UGGT2: variants seen among roughly 807,000 people sequenced by gnomAD.
UGGT2 encodes UDP-glucose glycoprotein glucosyltransferase 2.
UGGT2 carries 180 observed loss-of-function variants against 192.1 expected under a neutral mutation model. That is an observed-to-expected ratio of 0.94 (90% CI 0.83 to 1.06). UGGT2 has a LOEUF of 1.06. Among genes scored for constraint, UGGT2 ranks in the 50% least tolerant of loss-of-function variants. UGGT2 has a pLI of 0.00. For missense variants in UGGT2, 1,849 were observed against 1,795.7 expected (o/e 1.03, Z -0.54); for synonymous variants, 580 against 591.0 (o/e 0.98, Z 0.27).
intron 12 of UGGT2, among the ~76,000 whole-genome samples, chr13:95,964,791 A>G (rs1270653592): frequency 6.6e-6 from 1 of 152,136 alleles, no homozygotes; most frequent in African/African-American, 2.4e-5. Flanking sequence ...AGAAACTACC[A>G]TCAGTGTGAA....
Position 95,859,621 on chromosome 13 carries a change from CA to C in UGGT2, c.3794del (p.Leu1265CysfsTer2). On this transcript the variant is annotated frameshift_variant, in exon 33 of 39. Transcript: ENST00000376747. LOFTEE classifies it high-confidence loss of function. ...ATGTCGGTGAGAGATAATTTTTTAG[CA>C]ACCAGAATTTCACTGGTGTTTTGGT... is the stretch of plus-strand genomic sequence containing the variant. ...RNTKTPVKFW[L>X]LKNYLSPTFK... 2 of 1,610,210 alleles carry C rather than the reference CA, an allele frequency of 1.2e-6. No homozygotes were observed. Among genetic ancestry groups the C allele is most frequent in the Non-Finnish European group, 1.7e-6 (2 of 1,178,018 alleles).
chr13:95,916,715 T>C (rs1295013830), intron 20 of UGGT2, among the ~76,000 whole-genome samples: 1 of 151,956 alleles, frequency 6.6e-6, no homozygotes, highest in Non-Finnish European at 1.5e-5. Flanking sequence ...ATAAATGACC[T>C]GATGGAGCTG....
chr13:95,959,244 CTG>C (rs151321307), intron 12 of UGGT2, among the ~76,000 whole-genome samples: 3 of 152,066 alleles, frequency 2.0e-5, no homozygotes, highest in Non-Finnish European at 2.9e-5. Flanking sequence ...TTGCTGCAAA[CTG>C]TGTGTGTGTG....
At chr13:95,986,167 G>C (rs1025586435) in intron 9 of UGGT2, among the ~76,000 whole-genome samples, 166 bp downstream of exon 9, 2 of 151,682 alleles carry the variant, frequency 1.3e-5, no homozygotes, top group African/African-American at 4.8e-5. Flanking sequence ...CCAATATTTT[G>C]CTCTAATCAA....
At chr13:95,895,482 C>T (rs1253262038) in intron 22 of UGGT2, among the ~76,000 whole-genome samples, 178 bp from the exon 23 acceptor site, 1 of 151,870 alleles carries the variant, frequency 6.6e-6, no homozygotes, top group African/African-American at 2.4e-5. Flanking sequence ...TATACTTTCT[C>T]ACTTTGATAT....
intron 17 of UGGT2, among the ~76,000 whole-genome samples, chr13:95,930,513 C>T (rs892854497): frequency 6.6e-6 from 1 of 152,106 alleles, no homozygotes; most frequent in Non-Finnish European, 1.5e-5. Context: ...TTTATTGAAT[C>T]GAGGACCCTT....
At chr13:95,939,825 C>A (rs2049602565) in intron 16 of UGGT2, 132 bp downstream of exon 16, 2 of 668,878 alleles carry the variant, frequency 3.0e-6, no homozygotes, top group Non-Finnish European at 4.7e-6. Context: ...CCATCCCCAG[C>A]CTCTGGTAAC....
chr13:95,949,119 C>G (rs1222954104), intron 13 of UGGT2, among the ~76,000 whole-genome samples: 3 of 152,136 alleles, frequency 2.0e-5, no homozygotes, highest in African/African-American at 7.2e-5. Context: ...ATTACCCAGT[C>G]TCAGGTATGT....
Position 95,887,977 on chromosome 13 carries a change from G to T in UGGT2, c.2959-6C>A. The T allele has an allele frequency of 6.3e-7, 1 of 1,575,380 alleles. No individual in the cohort carries two copies. The highest frequency in any genetic ancestry group is 1.2e-5 in the South Asian group (1 of 85,006). On this transcript the variant is annotated splice_polypyrimidine_tract_variant and splice_region_variant and intron_variant, in intron 25 of 38. Transcript: ENST00000376747. ...TTGATAATCTTGCCAAGTACCTATT[G>T]GAAAGAAATTCCCATGTTTGATATT...
chr13:95,952,836 A>T (rs1020028662), intron 12 of UGGT2, among the ~76,000 whole-genome samples: 6 of 152,208 alleles, frequency 3.9e-5, no homozygotes, highest in Non-Finnish European at 8.8e-5. Context: ...TAAATTCTCC[A>T]TACTCATGTG....
chr13:95,939,941 T>C lies in UGGT2; in HGVS notation c.1812+16A>G. On this transcript the variant is annotated intron_variant, in intron 16 of 38. Transcript: ENST00000376747. ...TGTGCCTGGCCTACTCCACTTAACA[T>C]AATGTCCCAACTTACCTTTCTTTCT... 1 of 1,585,238 alleles carries C rather than the reference T, an allele frequency of 6.3e-7. No homozygotes were observed. Among genetic ancestry groups the C allele is most frequent in the Non-Finnish European group, 8.6e-7 (1 of 1,164,376 alleles).
chr13:96,012,473 G>A (rs1201540867), intron 5 of UGGT2, among the ~76,000 whole-genome samples: 1 of 151,860 alleles, frequency 6.6e-6, no homozygotes, highest in Admixed American at 6.6e-5. Flanking sequence ...TGCACTAGGA[G>A]AAGATACTGC....
At chr13:95,946,992 A>G (rs780468177) in intron 15 of UGGT2, 45 bp downstream of exon 15, 4 of 1,484,682 alleles carry the variant, frequency 2.7e-6, no homozygotes, top group Non-Finnish European at 3.6e-6. Context: ...TAGTAATGCA[A>G]GAATTTTACC....
intron 37 of UGGT2, among the ~76,000 whole-genome samples, chr13:95,835,391 C>A (rs1887170333): frequency 6.6e-6 from 1 of 152,130 alleles, no homozygotes; most frequent in African/African-American, 2.4e-5. Flanking sequence ...TGACCTACAC[C>A]ACTACTGTAT....
At chr13:95,802,172 C>T (rs1316649818) in intron 38 of UGGT2, among the ~76,000 whole-genome samples, 1 of 152,034 alleles carries the variant, frequency 6.6e-6, no homozygotes, top group Non-Finnish European at 1.5e-5. Flanking sequence ...AGTATTCTAC[C>T]CTTAATGTAA....
intron 38 of UGGT2, among the ~76,000 whole-genome samples, chr13:95,803,211 AAG>A (rs979683436): frequency 3.3e-5 from 5 of 152,096 alleles, no homozygotes; most frequent in African/African-American, 1.2e-4. Context: ...GAGAGAGACA[AAG>A]AGGGAGAAAT....
chr13:96,006,623 C>CAAAAAAAAAAAAAAAAAAAA (rs61256349), intron 5 of UGGT2, among the ~76,000 whole-genome samples: 1 of 93,470 alleles, frequency 1.1e-5, no homozygotes, highest in East Asian at 2.9e-4. Context: ...GATTCTGCCT[C>CAAAAAAAAAAAAAAAAAAAA]AAAAAAAAAA....
At chr13:95,941,179 A>G (rs1368290281) in intron 15 of UGGT2, among the ~76,000 whole-genome samples, 1 of 152,228 alleles carries the variant, frequency 6.6e-6, no homozygotes, top group Non-Finnish European at 1.5e-5. Flanking sequence ...AGGAACAAGT[A>G]GTAAGTACAA....
chr13:95,877,437 A>C, intron 28 of UGGT2, 73 bp from the exon 29 acceptor site: 2 of 1,214,674 alleles, frequency 1.6e-6, no homozygotes, highest in Non-Finnish European at 2.3e-6. Flanking sequence ...GAATACACGA[A>C]TGATCTAAGA....
Sources: allele counts gnomAD v4.1 joint callset (sites outside exome capture counted in the v4.1 genomes callset), GRCh38; gene constraint gnomAD v4.1.1; transcripts MANE v1.5; gene names NCBI Gene and HGNC (gene_info 2026-07-23, HGNC 2026-07-21).